Variants in EBAG9 observed in about 807,000 individuals in gnomAD.
EBAG9 encodes receptor-binding cancer antigen expressed on SiSo cells.
EBAG9 carries 16 observed loss-of-function variants against 30.9 expected under a neutral mutation model. That is an observed-to-expected ratio of 0.52 (90% CI 0.35 to 0.79). The LOEUF is 0.79. Ranked by LOEUF, EBAG9 falls within the 30% of genes least tolerant of loss-of-function variation. The pLI is 0.01. For missense variants in EBAG9, 197 were observed against 242.1 expected (o/e 0.81, Z 1.24); for synonymous variants, 93 against 82.8 (o/e 1.12, Z -0.67).
rs770940185 is a variant in EBAG9 at position 109,557,083 on chromosome 8, TTC to T, written c.429+43_429+44del. 4.6e-6 allele frequency: 6 copies of T among 1,297,166 alleles called. No individual in the cohort carries two copies. The Admixed American group carries it at 1.1e-4, about 23-fold the overall frequency. The allele number at this position is 1,297,166 out of a possible 1,614,324, so 80.4% of individuals were successfully genotyped here. A position where few individuals can be genotyped will look rare whatever the true frequency, so the allele number is the denominator to read the frequency against. On this transcript the variant is annotated intron_variant, in intron 5 of 6. Coordinates refer to ENST00000337573, the MANE Select transcript of EBAG9 (RefSeq NM_004215.5). ...GTTCTAGGGAAGGGTTTTGTTGTAT[TTC>T]TGTTTTCTTTAAAGCAGAGGAATAA...
intron 2 of EBAG9, among the ~76,000 whole-genome samples, chr8:109,552,303 G>A (rs1821510590): frequency 6.6e-6 from 1 of 152,018 alleles, no homozygotes. Context: ...GAGAACAAGT[G>A]GGTGAAATGA....
chr8:109,562,332 A>G (rs957929668), intron 6 of EBAG9, among the ~76,000 whole-genome samples: 2 of 152,054 alleles, frequency 1.3e-5, no homozygotes, highest in African/African-American at 4.8e-5. Context: ...AAATGAAAAA[A>G]TGTACTTAAA....
At chr8:109,561,953 T>G (rs1287309274) in intron 6 of EBAG9, among the ~76,000 whole-genome samples, 1 of 150,866 alleles carries the variant, frequency 6.6e-6, no homozygotes, top group Non-Finnish European at 1.5e-5. Flanking sequence ...TCAGTAAAAT[T>G]GTGAGAGTTT....
chr8:109,562,039 CACTT>C (rs1294650245), intron 6 of EBAG9, among the ~76,000 whole-genome samples: 2 of 151,738 alleles, frequency 1.3e-5, no homozygotes, highest in Non-Finnish European at 2.9e-5. Flanking sequence ...TGAACTATAA[CACTT>C]AGGATATTGC....
chr8:109,544,033 TAAAAAAAA>T (rs11337681), intron 1 of EBAG9, among the ~76,000 whole-genome samples: 1 of 125,886 alleles, frequency 7.9e-6, no homozygotes, highest in Non-Finnish European at 1.7e-5. Flanking sequence ...CTATCTCAAT[TAAAAAAAA>T]AAAAAAAAAA....
intron 2 of EBAG9, among the ~76,000 whole-genome samples, chr8:109,553,534 C>T (rs1236704191): frequency 6.6e-6 from 1 of 152,164 alleles, no homozygotes; most frequent in African/African-American, 2.4e-5. Context: ...AGAACTTCAC[C>T]CACAGAACCC....
At chr8:109,543,135 C>CTTTTTTTTTTTTTTTTTTT (rs557388998) in intron 1 of EBAG9, among the ~76,000 whole-genome samples, 1 of 52,880 alleles carries the variant, frequency 1.9e-5, no homozygotes, top group Non-Finnish European at 5.1e-5. Context: ...TATTCTGGTT[C>CTTTTTTTTTTTTTTTTTTT]TTTTTTTTTT....
Position 109,564,585 on chromosome 8 carries a change from G to A in EBAG9, c.*26G>A. The A allele has an allele frequency of 8.7e-6, 14 of 1,608,864 alleles. No homozygotes were observed. Among genetic ancestry groups the A allele is most frequent in the Non-Finnish European group, 1.2e-5 (14 of 1,176,766 alleles). Reference sequence around the variant, plus strand: ...CACATGTTCAAATTTTATCATGCCAGTAGGAGAAATCTCAGCTCCACAACC... The same window carrying A: ...CACATGTTCAAATTTTATCATGCCAATAGGAGAAATCTCAGCTCCACAACC... On this transcript the variant is annotated 3_prime_UTR_variant, in exon 7 of 7. Coordinates refer to ENST00000337573, the MANE Select transcript of EBAG9 (RefSeq NM_004215.5).
At chr8:109,549,347 AGTTT>A (rs1235949809) in intron 1 of EBAG9, among the ~76,000 whole-genome samples, 2 of 152,012 alleles carry the variant, frequency 1.3e-5, no homozygotes, top group Non-Finnish European at 1.5e-5. Context: ...GAATATTAAT[AGTTT>A]TCTTTTCTAG....
At chr8:109,547,499 G>A (rs940107083) in intron 1 of EBAG9, among the ~76,000 whole-genome samples, 5 of 140,676 alleles carry the variant, frequency 3.6e-5, no homozygotes, top group African/African-American at 1.1e-4. Context: ...TTTTTTTTTC[G>A]AGATGGAGTC....
At position 109,551,600 on chromosome 8, in the gene EBAG9, C is replaced by G. The variant is rs115828562; in HGVS notation, c.83+693C>G. ...GAATACCTCAACTCAAAGTAGTTCA[C>G]ATTTGCAACATTAAATCCTGCAGTA... is the stretch of plus-strand genomic sequence containing the variant. On this transcript the variant is annotated intron_variant, in intron 2 of 6. Coordinates refer to ENST00000337573, the MANE Select transcript of EBAG9 (RefSeq NM_004215.5). Among the ~76,000 whole-genome samples the G allele has an allele frequency of 5.1e-3, 782 of 152,278 alleles. 11 individuals carry two copies. The highest frequency in any genetic ancestry group is 0.017 in the African/African-American group (715 of 41,566).
chr8:109,552,919 G>C (rs1821522371), intron 2 of EBAG9, among the ~76,000 whole-genome samples: 1 of 152,046 alleles, frequency 6.6e-6, no homozygotes, highest in Non-Finnish European at 1.5e-5. Flanking sequence ...AACACAGCAG[G>C]ACCCCATCTC....
chr8:109,548,256 T>C (rs897404141), intron 1 of EBAG9, among the ~76,000 whole-genome samples: 1 of 152,182 alleles, frequency 6.6e-6, no homozygotes, highest in African/African-American at 2.4e-5. Flanking sequence ...TAATAACTAT[T>C]CTTTTCTCTC....
At chr8:109,551,159 G>A (rs372334628) in intron 2 of EBAG9, among the ~76,000 whole-genome samples, 142 of 151,868 alleles carry the variant, frequency 9.4e-4, no homozygotes, top group Non-Finnish European at 1.6e-3. Context: ...ATACTATTTA[G>A]GAATAGACAG....
chr8:109,546,529 C>T (rs933625766), intron 1 of EBAG9, among the ~76,000 whole-genome samples: 4 of 152,188 alleles, frequency 2.6e-5, no homozygotes, highest in African/African-American at 9.7e-5. Context: ...CTCGAGCAAC[C>T]TTGTCCAGTC....
At chr8:109,554,593 GA>G (rs1320939422) in intron 3 of EBAG9, 135 bp from the exon 4 acceptor site, 2 of 725,830 alleles carry the variant, frequency 2.8e-6, no homozygotes, top group Admixed American at 5.9e-5. Flanking sequence ...TCTGTGATAT[GA>G]AATGTATGTT....
chr8:109,550,679 T>TAGA, intron 1 of EBAG9, 131 bp from the exon 2 acceptor site: 2 of 582,992 alleles, frequency 3.4e-6, no homozygotes. Flanking sequence ...TAAAATTTAC[T>TAGA]GTGTTATAGT....
intron 2 of EBAG9, among the ~76,000 whole-genome samples, chr8:109,553,020 C>G (rs1015068991): frequency 6.6e-6 from 1 of 151,476 alleles, no homozygotes; most frequent in African/African-American, 2.4e-5. Flanking sequence ...AGCTTTGAAT[C>G]TGTAATAAAA....
rs375161571 is a variant in EBAG9, at chr8:109,554,900, T to A, written c.321+13T>A. The A allele has an allele frequency of 4.4e-5, 71 of 1,608,906 alleles. No homozygotes were observed. Among genetic ancestry groups the A allele is most frequent in the Non-Finnish European group, 5.9e-5 (70 of 1,176,984 alleles). On this transcript the variant is annotated intron_variant, in intron 4 of 6. Coordinates refer to ENST00000337573, the MANE Select transcript of EBAG9 (RefSeq NM_004215.5). ...GAAAACTCAGAAAGTATGTTAAGATTTATGCTTTTGGAGATTAAACTACTT... is the reference window on the plus strand; with the variant it reads ...GAAAACTCAGAAAGTATGTTAAGATATATGCTTTTGGAGATTAAACTACTT...
Sources: gnomAD v4.1 joint callset for allele counts (sites outside exome capture counted in the v4.1 genomes callset) on GRCh38, gnomAD v4.1.1 for gene constraint, MANE v1.5 for transcripts, NCBI Gene and HGNC (gene_info 2026-07-23, HGNC 2026-07-21) for gene names.